GRIK2: variants seen among roughly 807,000 people sequenced by gnomAD.
GRIK2 encodes glutamate receptor ionotropic, kainate 2.
Under a neutral mutation model 100.3 loss-of-function variants are expected in GRIK2, and 32 were observed. The ratio of observed to expected loss-of-function variants is 0.32; its 90% CI spans 0.24 to 0.43. The LOEUF (loss-of-function observed/expected upper bound fraction) is 0.43. Ranked by LOEUF, GRIK2 falls within the 20% of genes least tolerant of loss-of-function variation. The pLI, the probability that GRIK2 is intolerant of heterozygous loss-of-function variation, is 1.00. For synonymous variants in GRIK2, 417 were observed against 389.4 expected, an observed-to-expected ratio of 1.07 and a Z score of -0.83; for missense variants, 843 against 1,114.9, an observed-to-expected ratio of 0.76 and a Z score of 3.47.
rs508727 is a variant in GRIK2 at position 101,568,869 on chromosome 6, A to T, written c.116-53080A>T. Among the ~76,000 whole-genome samples the T allele has an allele frequency of 1.9e-3, 291 of 152,208 alleles. 2 individuals carry two copies. Among genetic ancestry groups the T allele is most frequent in the African/African-American group, 6.9e-3 (288 of 41,556 alleles). On this transcript the variant is annotated intron_variant, in intron 2 of 16. Coordinates refer to ENST00000369134, the MANE Select transcript of GRIK2 (RefSeq NM_021956.5). Reference sequence around the variant, plus strand: ...GAAAGTCTACAGAAAATAGTGCAGCATGCAACTACATTATTCTACAGCAAT... The same window carrying T: ...GAAAGTCTACAGAAAATAGTGCAGCTTGCAACTACATTATTCTACAGCAAT...
intron 9 of GRIK2, among the ~76,000 whole-genome samples, chr6:101,810,751 C>T (rs1459492005): frequency 5.9e-5 from 9 of 151,910 alleles, no homozygotes; most frequent in Non-Finnish European, 7.4e-5. Context: ...CTAACTATCT[C>T]TACTTTTCAT....
At chr6:101,647,173 G>A (rs987346735) in intron 4 of GRIK2, among the ~76,000 whole-genome samples, 2 of 151,916 alleles carry the variant, frequency 1.3e-5, no homozygotes, top group Non-Finnish European at 2.9e-5. Flanking sequence ...GTTCTTCACT[G>A]AACGCTATAC....
intron 7 of GRIK2, among the ~76,000 whole-genome samples, chr6:101,796,212 A>G (rs1303535853): frequency 1.3e-5 from 2 of 152,194 alleles, no homozygotes; most frequent in Non-Finnish European, 2.9e-5. Context: ...TATTTGACAC[A>G]TACTTGATGG....
chr6:101,518,099 C>A lies in GRIK2; in HGVS notation c.116-103850C>A, dbSNP rs1020683161. Among the ~76,000 whole-genome samples the A allele has an allele frequency of 1.3e-4, 20 of 151,504 alleles. 1 individual carries two copies. The highest frequency in any genetic ancestry group is 6.3e-4 in the South Asian group (3 of 4,798). On this transcript the variant is annotated intron_variant, in intron 2 of 16. Coordinates refer to ENST00000369134, the MANE Select transcript of GRIK2 (RefSeq NM_021956.5). The stretch of plus-strand genomic sequence containing the variant: ...TAAGCTATTATGAATGTTTTGAGAC[C>A]CCAAGTGTTTTTGAGTTATTAAAAT...
intron 14 of GRIK2, 91 bp downstream of exon 14, chr6:101,928,723 A>G: frequency 1.4e-6 from 1 of 707,084 alleles, no homozygotes; most frequent in Middle Eastern, 2.7e-4. Context: ...TAACAACGCC[A>G]TTATTTGTGC....
intron 4 of GRIK2, among the ~76,000 whole-genome samples, chr6:101,665,407 A>G (rs199771432): frequency 6.6e-6 from 1 of 152,220 alleles, no homozygotes; most frequent in African/African-American, 2.4e-5. Flanking sequence ...CAAGAGAAGC[A>G]CAGCCACTGT....
chr6:101,862,670 C>T (rs1364196391), intron 11 of GRIK2, among the ~76,000 whole-genome samples: 1 of 152,006 alleles, frequency 6.6e-6, no homozygotes, highest in Non-Finnish European at 1.5e-5. Flanking sequence ...AGGGATCCTC[C>T]TGCCTTAGCC....
chr6:101,865,956 A>G (rs1026407464), intron 11 of GRIK2, among the ~76,000 whole-genome samples: 52 of 152,104 alleles, frequency 3.4e-4, no homozygotes, highest in African/African-American at 1.1e-3. Context: ...AACAACAACA[A>G]ATAAAAACTG....
intron 3 of GRIK2, 111 bp from the exon 4 acceptor site, chr6:101,626,267 AAC>A: frequency 4.0e-6 from 4 of 1,005,176 alleles, no homozygotes; most frequent in East Asian, 2.4e-5. Flanking sequence ...ATTTTTTAAA[AAC>A]ACAAATCTTT....
intron 2 of GRIK2, among the ~76,000 whole-genome samples, chr6:101,559,678 T>C (rs1331835131): frequency 1.3e-5 from 2 of 152,120 alleles, no homozygotes; most frequent in Non-Finnish European, 2.9e-5. Flanking sequence ...TTAATAGCAA[T>C]GAAAGAGAAA....
In GRIK2 at chr6:101,822,448, G is replaced by A. The variant is rs140560098; in HGVS notation, c.1317+3965G>A. Among the ~76,000 whole-genome samples, 889 of 152,010 alleles carry A rather than the reference G, an allele frequency of 5.8e-3. 12 individuals are homozygous for A. The highest frequency in any genetic ancestry group is 0.02 in the African/African-American group (848 of 41,490). ...GAAAGGGCAAGGGAGTATTCTAGGC[G>A]AAGAGAACAGCATATTCAAGCATCC... On this transcript the variant is annotated intron_variant, in intron 10 of 16. Transcript: ENST00000369134.
At chr6:101,693,883 T>C (rs1211978132) in intron 7 of GRIK2, among the ~76,000 whole-genome samples, 4 of 151,970 alleles carry the variant, frequency 2.6e-5, no homozygotes, top group African/African-American at 9.7e-5. Context: ...TATTTTGGGG[T>C]GGCATATCCT....
rs78427323 is a variant in GRIK2, at chr6:101,588,365, C to T, written c.116-33584C>T. On this transcript the variant is annotated intron_variant, in intron 2 of 16. Coordinates refer to ENST00000369134, the MANE Select transcript of GRIK2 (RefSeq NM_021956.5). The stretch of plus-strand genomic sequence containing the variant: ...TAGTTCAAAATGACTGGAGAAGAGG[C>T]AGGTTGAGGTGTGCAGGGGCGGGGA... Among the ~76,000 whole-genome samples the T allele has an allele frequency of 5.6e-3, 853 of 152,066 alleles. 11 individuals carry two copies. Among genetic ancestry groups the T allele is most frequent in the African/African-American group, 0.02 (819 of 41,502 alleles).
intron 2 of GRIK2, among the ~76,000 whole-genome samples, chr6:101,524,406 C>A (rs925058851): frequency 9.4e-5 from 14 of 149,038 alleles, no homozygotes; most frequent in Non-Finnish European, 1.5e-4. Context: ...ATATATATAT[C>A]AATCACAGAT....
At chr6:101,824,258 A>G (rs908331576) in intron 10 of GRIK2, among the ~76,000 whole-genome samples, 3 of 151,870 alleles carry the variant, frequency 2.0e-5, no homozygotes, top group Non-Finnish European at 1.5e-5. Context: ...ACCGTACCCA[A>G]TTTTGCAGTC....
chr6:101,920,634 G>A (rs538200879), intron 12 of GRIK2, among the ~76,000 whole-genome samples: 1 of 151,984 alleles, frequency 6.6e-6, no homozygotes, highest in South Asian at 2.1e-4. Flanking sequence ...AGTATTGAAG[G>A]ATGGGTGTAG....
At position 101,779,836 on chromosome 6, in the gene GRIK2, T is replaced by TAC. The variant is rs546482149; in HGVS notation, c.952-19808_952-19807dup. On this transcript the variant is annotated intron_variant, in intron 7 of 16. Coordinates refer to ENST00000369134, the MANE Select transcript of GRIK2 (RefSeq NM_021956.5). ...AATGTATATAATCCATATGCATATATACACATATATAATTATGCTTGGAGA... is the reference window on the plus strand; with the variant it reads ...AATGTATATAATCCATATGCATATATACACACATATATAATTATGCTTGGAGA... Among the ~76,000 whole-genome samples, 322 of 152,252 alleles carry TAC rather than the reference T, an allele frequency of 2.1e-3. 1 individual carries two copies. Among genetic ancestry groups the TAC allele is most frequent in the African/African-American group, 7.5e-3 (311 of 41,520 alleles).
chr6:101,613,439 T>C (rs1238458373), intron 2 of GRIK2, among the ~76,000 whole-genome samples: 1 of 151,800 alleles, frequency 6.6e-6, no homozygotes, highest in African/African-American at 2.4e-5. Flanking sequence ...CCTTGATACA[T>C]TAGATGTTGA....
intron 4 of GRIK2, among the ~76,000 whole-genome samples, chr6:101,660,743 G>T (rs982934007): frequency 6.6e-6 from 1 of 152,062 alleles, no homozygotes; most frequent in African/African-American, 2.4e-5. Context: ...TCTGCTGCAG[G>T]TCTTCTGGAG....
Sources: gnomAD v4.1 joint callset for allele counts (sites outside exome capture counted in the v4.1 genomes callset) on GRCh38, gnomAD v4.1.1 for gene constraint, MANE v1.5 for transcripts, NCBI Gene and HGNC (gene_info 2026-07-23, HGNC 2026-07-21) for gene names.